SMARCAL1: variants seen among roughly 807,000 people sequenced by gnomAD.
The protein encoded by SMARCAL1 is SNF2 related chromatin remodeling annealing helicase 1, also known as ATP-driven annealing helicase.
A neutral mutation model predicts 94.5 loss-of-function variants in SMARCAL1; 58 were observed. That is an observed-to-expected ratio of 0.61 (90% CI 0.50 to 0.76). The LOEUF is 0.76. Among genes scored for constraint, SMARCAL1 ranks in the 30% least tolerant of loss-of-function variants. SMARCAL1 has a pLI of 0.00. For synonymous variants in SMARCAL1, 422 were observed against 455.1 expected, an observed-to-expected ratio of 0.93 and a Z score of 0.93; for missense variants, 1,051 against 1,177.9, an observed-to-expected ratio of 0.89 and a Z score of 1.58.
At chr2:216,479,466 T>A (rs1363807001) in intron 17 of SMARCAL1, among the ~76,000 whole-genome samples, 1 of 151,684 alleles carries the variant, frequency 6.6e-6, no homozygotes, top group African/African-American at 2.4e-5. Flanking sequence ...AAAGTTTAAA[T>A]AAATAAGAAG....
intron 8 of SMARCAL1, 150 bp from the exon 9 acceptor site, chr2:216,435,188 G>A (rs1449309416): frequency 4.0e-6 from 3 of 758,192 alleles, no homozygotes; most frequent in Non-Finnish European, 4.3e-6. Flanking sequence ...AAAAAAGGGA[G>A]TGTCCTGTTA....
rs1468792570 is a variant in SMARCAL1, at chr2:216,475,003, G to A, written c.2245-266G>A. On this transcript the variant is annotated intron_variant, in intron 14 of 17. Coordinates refer to ENST00000357276, the MANE Select transcript of SMARCAL1 (RefSeq NM_014140.4). The surrounding 1 kb of genome is among the most constrained non-coding windows in gnomAD (Gnocchi z 4.4). ...TTGTATAGAAGTCAGCATCCTGGCT[G>A]TGGTATTATACTATAGTTTTTATAG... 1.3e-5 allele frequency among the ~76,000 whole-genome samples: 2 copies of A among 152,224 alleles called. No homozygotes were observed. Among genetic ancestry groups the A allele is most frequent in the South Asian group, 4.1e-4 (2 of 4,832 alleles).
At position 216,474,633 on chromosome 2, in the gene SMARCAL1, T is replaced by C. The variant is rs192064195; in HGVS notation, c.2245-636T>C. On this transcript the variant is annotated intron_variant, in intron 14 of 17. Coordinates refer to ENST00000357276, the MANE Select transcript of SMARCAL1 (RefSeq NM_014140.4). ...AGCCAGATGTGGTGGTGTGCGCCTG[T>C]AATCCCACCTAGTTGGGAGGCTGAG... Among the ~76,000 whole-genome samples, 42 of 151,942 alleles carry C rather than the reference T, an allele frequency of 2.8e-4. 1 individual carries two copies. The highest frequency in any genetic ancestry group is 9.9e-4 in the African/African-American group (41 of 41,464).
intron 6 of SMARCAL1, chr2:216,427,149 T>C (rs1237193526): frequency 1.3e-5 from 2 of 152,370 alleles, no homozygotes; most frequent in East Asian, 3.9e-4. Flanking sequence ...AGTAGCATTC[T>C]GGCAAAGAGC....
chr2:216,451,837 A>G (rs1694457851), intron 12 of SMARCAL1, among the ~76,000 whole-genome samples: 1 of 152,250 alleles, frequency 6.6e-6, no homozygotes, highest in African/African-American at 2.4e-5. Flanking sequence ...AATTCCCATT[A>G]CTAAGAAAAT....
chr2:216,466,008 C>T (rs1173104029), intron 13 of SMARCAL1, among the ~76,000 whole-genome samples: 1 of 152,118 alleles, frequency 6.6e-6, no homozygotes. Flanking sequence ...CTAATGAACT[C>T]CAGATGTGGT....
intron 7 of SMARCAL1, among the ~76,000 whole-genome samples, chr2:216,431,730 A>G (rs1452744139): frequency 6.6e-6 from 1 of 152,204 alleles, no homozygotes; most frequent in Non-Finnish European, 1.5e-5. Flanking sequence ...ACCCCAGCCA[A>G]TCTGGCTCTG....
chr2:216,415,536 C>CT (rs777879105), intron 3 of SMARCAL1, 21 bp downstream of exon 3: 6 of 1,479,152 alleles, frequency 4.1e-6, no homozygotes, highest in Non-Finnish European at 4.5e-6. Flanking sequence ...CATTTTTCAG[C>CT]TGTTTTTTTT....
At chr2:216,458,797 A>G (rs908186376) in intron 12 of SMARCAL1, among the ~76,000 whole-genome samples, 1 of 151,872 alleles carries the variant, frequency 6.6e-6, no homozygotes, top group Non-Finnish European at 1.5e-5. Context: ...CTCTCTCACC[A>G]CTCCTATTCA....
At chr2:216,453,758 A>G (rs1003015155) in intron 12 of SMARCAL1, among the ~76,000 whole-genome samples, 1 of 152,238 alleles carries the variant, frequency 6.6e-6, no homozygotes, top group African/African-American at 2.4e-5. Context: ...TTTCCTTGCA[A>G]TTTTGCAAAT....
At position 216,415,309 on chromosome 2, in the gene SMARCAL1, A is replaced by G. The variant is rs1255779887; in HGVS notation, c.605A>G (p.Gln202Arg). The G allele has an allele frequency of 6.2e-6, 10 of 1,614,148 alleles. No individual in the cohort carries two copies. Among genetic ancestry groups the G allele is most frequent in the Non-Finnish European group, 8.5e-7 (1 of 1,180,050 alleles). ...AKTAKASPSG[Q>R]NISYIHSSSE... is the part of the protein sequence containing the mutation. ...ACAGCAAAAGCCTCCCCTTCGGGGC[A>G]GAACATTTCTTACATCCATTCTAGC... is the stretch of plus-strand genomic sequence containing the variant. Residue 202 changes from glutamine to arginine, a missense_variant, in exon 3 of 18, where the codon CAG (glutamine) becomes CGG (arginine). Coordinates refer to ENST00000357276, the MANE Select transcript of SMARCAL1 (RefSeq NM_014140.4).
chr2:216,480,903 C>T (rs1464928315), intron 17 of SMARCAL1, among the ~76,000 whole-genome samples: 1 of 152,132 alleles, frequency 6.6e-6, no homozygotes, highest in African/African-American at 2.4e-5. Context: ...TGGCAAAGAT[C>T]TGTAGGCTGT....
In SMARCAL1 at chr2:216,455,566, C is replaced by T. The variant is rs532733866; in HGVS notation, c.2070+4502C>T. Among the ~76,000 whole-genome samples, 10 of 152,330 alleles carry T rather than the reference C, an allele frequency of 6.6e-5. No homozygotes were observed. In the East Asian group the frequency reaches 1.3e-3, roughly 21 times the overall value. On this transcript the variant is annotated intron_variant, in intron 12 of 17. Transcript: ENST00000357276. The stretch of plus-strand genomic sequence containing the variant: ...GCAATATTCGTTGTTCTGCAGCCTC[C>T]GCTGCTGATACCGAGCCAAACAGGG...
intron 10 of SMARCAL1, chr2:216,446,655 T>C (rs1158779559): frequency 4.3e-6 from 2 of 468,872 alleles, no homozygotes; most frequent in Admixed American, 4.7e-5. Flanking sequence ...TTGTGAATTT[T>C]TTGCAGCATA....
At position 216,469,660 on chromosome 2, in the gene SMARCAL1, C is replaced by T. The variant is rs541315217; in HGVS notation, c.2244+1614C>T. Among the ~76,000 whole-genome samples the T allele has an allele frequency of 1.9e-4, 29 of 152,180 alleles. No homozygotes were observed. In the South Asian group the frequency reaches 5.4e-3, roughly 28 times the overall value. On this transcript the variant is annotated intron_variant, in intron 14 of 17. Coordinates refer to ENST00000357276, the MANE Select transcript of SMARCAL1 (RefSeq NM_014140.4). ...CCATTCTCCTGCTGATGGTTGCTAT[C>T]GTGTGAATATTATAGTAGGTGTATG...
At chr2:216,469,720 G>A (rs997729736) in intron 14 of SMARCAL1, among the ~76,000 whole-genome samples, 1 of 152,134 alleles carries the variant, frequency 6.6e-6, no homozygotes, top group African/African-American at 2.4e-5. Flanking sequence ...GCTTGTGTAT[G>A]TGCTTTGTGT....
intron 10 of SMARCAL1, among the ~76,000 whole-genome samples, chr2:216,443,394 A>G (rs1384045612): frequency 6.6e-6 from 1 of 151,102 alleles, no homozygotes; most frequent in Non-Finnish European, 1.5e-5. Context: ...AAAGCTTGGA[A>G]TGGCATAGCT....
In SMARCAL1 at chr2:216,415,253, G is replaced by T. The variant is rs774029345; in HGVS notation, c.549G>T (p.Gln183His). 35 of 1,614,136 alleles carry T rather than the reference G, an allele frequency of 2.2e-5. No homozygotes were observed. The highest frequency in any genetic ancestry group is 8.3e-5 in the Admixed American group (5 of 60,012). Residue 183 changes from glutamine (Q) to histidine (H), a missense_variant, in exon 3 of 18, where the codon CAG becomes CAT. Around this residue, in one of 3 missense-constraint regions of SMARCAL1, gnomAD observed 398 missense variants for 395.2 expected, o/e 1.01. Transcript: ENST00000357276. ...SQETPAHSSG[Q>H]PPRDAKLEAK... ...AGACACCAGCTCATTCCTCTGGACA[G>T]CCTCCCAGGGATGCTAAGTTAGAGG...
intron 6 of SMARCAL1, among the ~76,000 whole-genome samples, chr2:216,424,371 A>G (rs1254407502): frequency 6.6e-6 from 1 of 152,252 alleles, no homozygotes; most frequent in African/African-American, 2.4e-5. Flanking sequence ...CCAGTCCCTT[A>G]TCTATCTGGC....
Sources: allele counts gnomAD v4.1 joint callset (sites outside exome capture counted in the v4.1 genomes callset), GRCh38; gene constraint gnomAD v4.1.1; regional missense constraint gnomAD v4.1.1; non-coding constraint Gnocchi (gnomAD v3.1); transcripts MANE v1.5; gene names NCBI Gene and HGNC (gene_info 2026-07-23, HGNC 2026-07-21).